DNAH12: variants seen among roughly 807,000 people sequenced by gnomAD.
DNAH12 encodes dynein axonemal heavy chain 12.
A neutral mutation model predicts 371.5 loss-of-function variants in DNAH12; 285 were observed. The ratio of observed to expected loss-of-function variants is 0.77; its 90% CI spans 0.70 to 0.85. The LOEUF (loss-of-function observed/expected upper bound fraction) is 0.85. Among genes scored for constraint, DNAH12 ranks in the 40% least tolerant of loss-of-function variants. The pLI is 0.00. For missense variants in DNAH12, 3,611 were observed against 3,689.4 expected, an observed-to-expected ratio of 0.98 and a Z score of 0.55; for synonymous variants, 1,200 against 1,213.0, an observed-to-expected ratio of 0.99 and a Z score of 0.22.
At chr3:57,323,353 T>C (rs2061854328) in intron 63 of DNAH12, 93 bp from the exon 64 acceptor site, 2 of 1,475,818 alleles carry the variant, frequency 1.4e-6, no homozygotes, top group South Asian at 1.4e-5. Context: ...AAAATTCTAG[T>C]TACGTTTCTC....
intron 69 of DNAH12, among the ~76,000 whole-genome samples, chr3:57,304,373 C>G (rs1371450834): frequency 6.6e-6 from 1 of 152,124 alleles, no homozygotes. Context: ...GTCCTCAGAC[C>G]GACCAGCCCA....
chr3:57,311,033 G>C, intron 66 of DNAH12, 83 bp from the exon 67 acceptor site: 1 of 967,874 alleles, frequency 1.0e-6, no homozygotes, highest in Non-Finnish European at 1.5e-6. Context: ...TATCTATCTA[G>C]AAAGGGGGTT....
chr3:57,496,676 A>G (rs1307129817), intron 11 of DNAH12, among the ~76,000 whole-genome samples: 2 of 152,194 alleles, frequency 1.3e-5, no homozygotes, highest in African/African-American at 4.8e-5. Context: ...GCTATTAAAA[A>G]TACTATTTAT....
Position 57,310,830 on chromosome 3 carries a change from C to T in DNAH12, c.10783G>A (p.Ala3595Thr), listed in dbSNP as rs1340666110. Residue 3595 changes from alanine (A) to threonine (T), a missense_variant, in exon 67 of 74, where the codon GCT (alanine) becomes ACT (threonine). Around this residue, in one of 3 missense-constraint regions of DNAH12, gnomAD observed 2,266 missense variants for 2,236.9 expected, o/e 1.01. Coordinates refer to ENST00000495027, the MANE Select transcript of DNAH12 (RefSeq NM_001366028.2). ...WDRRLLLTML[A>T]DFYNLYIVEN... ...ACTATGTACAGATTATAAAAGTCAG[C>T]CAGCATGGTTAATAGAAGACGTCTG... The T allele has an allele frequency of 7.1e-6, 11 of 1,551,598 alleles. No homozygotes were observed. The highest frequency in any genetic ancestry group is 9.6e-6 in the Non-Finnish European group (11 of 1,146,946).
At chr3:57,373,631 G>T (rs1488785742) in intron 55 of DNAH12, among the ~76,000 whole-genome samples, 1 of 151,808 alleles carries the variant, frequency 6.6e-6, no homozygotes, top group African/African-American at 2.4e-5. Flanking sequence ...GCCCACAACA[G>T]CCATTTTCTA....
At chr3:57,390,292 A>T (rs1471729068) in intron 45 of DNAH12, among the ~76,000 whole-genome samples, 2 of 140,494 alleles carry the variant, frequency 1.4e-5, no homozygotes, top group Non-Finnish European at 3.1e-5. Flanking sequence ...ATACACCTAT[A>T]GTCCCAGCTA....
intron 69 of DNAH12, among the ~76,000 whole-genome samples, chr3:57,303,256 G>A (rs558235492): frequency 5.7e-4 from 85 of 148,690 alleles, no homozygotes; most frequent in African/African-American, 2.0e-3. Flanking sequence ...GGAGAATGGC[G>A]TGAACCCAGG....
chr3:57,475,413 C>T (rs1195975452), intron 13 of DNAH12, among the ~76,000 whole-genome samples: 1 of 152,094 alleles, frequency 6.6e-6, no homozygotes, highest in Non-Finnish European at 1.5e-5. Flanking sequence ...CATTTAACTG[C>T]ATTAAAATTA....
chr3:57,332,767 C>T lies in DNAH12; in HGVS notation c.9978+1698G>A, dbSNP rs370955318. On this transcript the variant is annotated intron_variant, in intron 62 of 73. Transcript: ENST00000495027. ...GACCAAGAAAAGAGCATCTGAGGTG[C>T]TGTAACCAGGAGATCTGGGGAGCTA... Among the ~76,000 whole-genome samples the T allele has an allele frequency of 1.2e-4, 18 of 152,264 alleles. No homozygotes were observed. The South Asian group carries it at 2.1e-3, about 18-fold the overall frequency.
At chr3:57,519,990 G>C in intron 4 of DNAH12, 1 of 805,654 alleles carries the variant, frequency 1.2e-6, no homozygotes, top group Non-Finnish European at 2.1e-6. Flanking sequence ...AGGGTTCCTC[G>C]CCGTCTTCCA....
At chr3:57,507,373 T>G (rs1249837063) in intron 8 of DNAH12, among the ~76,000 whole-genome samples, 3 of 152,136 alleles carry the variant, frequency 2.0e-5, no homozygotes, top group Non-Finnish European at 4.4e-5. Flanking sequence ...TTTGTTAACA[T>G]ACTCCAAATA....
intron 72 of DNAH12, 82 bp downstream of exon 72, chr3:57,296,262 C>A: frequency 8.9e-7 from 1 of 1,119,074 alleles, no homozygotes; most frequent in South Asian, 1.9e-5. Context: ...TAAAAGAGGA[C>A]TTTTTTTTTA....
At chr3:57,492,973 C>T (rs2067182462) in intron 11 of DNAH12, among the ~76,000 whole-genome samples, 1 of 151,772 alleles carries the variant, frequency 6.6e-6, no homozygotes, top group African/African-American at 2.4e-5. Context: ...CCACTGCACT[C>T]CAGCCTGGGC....
rs1413043209 is a variant in DNAH12 at position 57,429,691 on chromosome 3, G to A, written c.5064C>T (p.Ser1688=). 26 of 1,529,620 alleles carry A rather than the reference G, an allele frequency of 1.7e-5. No homozygotes were observed. The highest frequency in any genetic ancestry group is 9.0e-5 in the South Asian group (7 of 77,732). 94.8% of individuals were successfully genotyped at this position (1,529,620 alleles called of 1,614,324 possible). A position where few individuals can be genotyped will look rare whatever the true frequency, so the allele number is the denominator to read the frequency against. The change falls in exon 33 of 74, where the codon TCC becomes TCT. Residue 1688 remains serine, a splice_region_variant and synonymous_variant. Transcript: ENST00000495027. ...IFETMDLSQA[S]PATVSRCGMI... is the part of the protein sequence containing the mutation. Reference sequence around the variant, plus strand: ...CCATTGTATTAAATTATGAACTTACGGATGCCTGGGAAAGGTCCATTGTTT... The same window carrying A: ...CCATTGTATTAAATTATGAACTTACAGATGCCTGGGAAAGGTCCATTGTTT...
At chr3:57,487,383 AAG>A (rs1419016638) in intron 12 of DNAH12, among the ~76,000 whole-genome samples, 8 of 136,978 alleles carry the variant, frequency 5.8e-5, no homozygotes, top group African/African-American at 1.4e-4. Flanking sequence ...GAAAAAAAAA[AAG>A]AAAGAGAAAG....
chr3:57,293,773 T>C lies in DNAH12; in HGVS notation c.*8A>G. 3 of 1,545,398 alleles carry C rather than the reference T, an allele frequency of 1.9e-6. No individual in the cohort carries two copies. Among genetic ancestry groups the C allele is most frequent in the Non-Finnish European group, 1.7e-6 (2 of 1,145,208 alleles). ...TAAACTTTTGGATGTTTTATAAATT[T>C]GTCCAATTTAGTCATCCAACTGACA... On this transcript the variant is annotated 3_prime_UTR_variant, in exon 74 of 74. Transcript: ENST00000495027.
intron 60 of DNAH12, among the ~76,000 whole-genome samples, chr3:57,336,321 T>C (rs1450838618): frequency 6.6e-6 from 1 of 152,166 alleles, no homozygotes; most frequent in Non-Finnish European, 1.5e-5. Context: ...AAAGAGATAA[T>C]TTAACTAGCC....
rs887403633 is a variant in DNAH12, at chr3:57,384,146, T to C, written c.7860+683A>G. ...CTGTAAAAAGTTACGTACAACATAATGTGGTACAGATAGGTGCCAGTCACA... is the reference window on the plus strand; with the variant it reads ...CTGTAAAAAGTTACGTACAACATAACGTGGTACAGATAGGTGCCAGTCACA... On this transcript the variant is annotated intron_variant, in intron 49 of 73. Coordinates refer to ENST00000495027, the MANE Select transcript of DNAH12 (RefSeq NM_001366028.2). Among the ~76,000 whole-genome samples the C allele has an allele frequency of 1.6e-4, 24 of 152,220 alleles. No homozygotes were observed. In the East Asian group the frequency reaches 4.1e-3, roughly 26 times the overall value.
intron 55 of DNAH12, among the ~76,000 whole-genome samples, chr3:57,368,910 A>G (rs1209454798): frequency 1.7e-4 from 26 of 152,072 alleles, no homozygotes; most frequent in African/African-American, 6.3e-4. Flanking sequence ...TTTTCTTTTA[A>G]AAATATAGCA....
Sources: allele counts gnomAD v4.1 joint callset (sites outside exome capture counted in the v4.1 genomes callset), GRCh38; gene constraint gnomAD v4.1.1; regional missense constraint gnomAD v4.1.1; transcripts MANE v1.5; gene names NCBI Gene and HGNC (gene_info 2026-07-23, HGNC 2026-07-21).